Variants in MAPK14 observed in about 807,000 individuals in gnomAD.
MAPK14 encodes the protein mitogen-activated protein kinase 14, also known as CSAID-binding protein.
MAPK14 carries 16 observed loss-of-function variants against 49.6 expected under a neutral mutation model. The ratio of observed to expected loss-of-function variants is 0.32; its 90% CI spans 0.22 to 0.49. MAPK14 has a LOEUF of 0.49. MAPK14 is among the 20% of genes least tolerant of loss of function. MAPK14 has a pLI of 0.99. For missense variants in MAPK14, 200 were observed against 441.2 expected (o/e 0.45, Z 4.90); for synonymous variants, 142 against 158.0 (o/e 0.90, Z 0.76).
chr6:36,069,301 G>T (rs904760392), intron 3 of MAPK14, among the ~76,000 whole-genome samples: 1 of 152,100 alleles, frequency 6.6e-6, no homozygotes, highest in African/African-American at 2.4e-5. Context: ...ATTATTTTTA[G>T]AAGTTGGTGC....
chr6:36,048,121 A>G (rs1400195465), intron 1 of MAPK14, among the ~76,000 whole-genome samples: 2 of 152,020 alleles, frequency 1.3e-5, no homozygotes, highest in Non-Finnish European at 2.9e-5. Context: ...GGCTCAGTGC[A>G]ACCTCCACCT....
chr6:36,039,943 C>T (rs980347164), intron 1 of MAPK14, among the ~76,000 whole-genome samples: 5 of 151,216 alleles, frequency 3.3e-5, no homozygotes, highest in Admixed American at 6.6e-5. Context: ...TTGCAGTGAG[C>T]CGAGATCACT....
At chr6:36,062,883 C>T (rs1763881994) in intron 3 of MAPK14, among the ~76,000 whole-genome samples, 1 of 152,206 alleles carries the variant, frequency 6.6e-6, no homozygotes, top group East Asian at 1.9e-4. Context: ...GTCATGAACG[C>T]TTGACCTCAA....
chr6:36,060,991 G>T, intron 3 of MAPK14, among the ~76,000 whole-genome samples: 1 of 152,182 alleles, frequency 6.6e-6, no homozygotes, highest in East Asian at 1.9e-4. Flanking sequence ...CAACAATATG[G>T]AGGCTTCCAG....
chr6:36,122,883 C>T, the MAPK14 span, among the ~76,000 whole-genome samples: 1 of 152,276 alleles, frequency 6.6e-6, no homozygotes, highest in Non-Finnish European at 1.5e-5. Flanking sequence ...CCCTGTCTCC[C>T]AGAACTCAGC....
intron 6 of MAPK14, 39 bp downstream of exon 6, chr6:36,074,135 T>G: frequency 1.3e-6 from 2 of 1,546,768 alleles, no homozygotes; most frequent in South Asian, 2.3e-5. Flanking sequence ...TGCTTTACTT[T>G]GAGATTATAT....
chr6:36,100,141 A>G, intron 9 of MAPK14: 2 of 1,360,928 alleles, frequency 1.5e-6, no homozygotes, highest in South Asian at 2.3e-5. Context: ...GTTGAAAATT[A>G]TTTTTTGCAC....
chr6:36,098,669 A>G (rs1240063837), intron 9 of MAPK14, among the ~76,000 whole-genome samples: 1 of 152,248 alleles, frequency 6.6e-6, no homozygotes, highest in Non-Finnish European at 1.5e-5. Context: ...TGACTAAAGG[A>G]GACAAAGACA....
rs565009009 is a variant in MAPK14 at position 36,050,377 on chromosome 6, T to C, written c.117-2322T>C. 2.6e-5 allele frequency among the ~76,000 whole-genome samples: 4 copies of C among 152,302 alleles called. No individual in the cohort carries two copies. The South Asian group carries it at 8.3e-4, about 32-fold the overall frequency. Reference sequence around the variant, plus strand: ...AGGGTACAAGTAAACTAGAGGTAACTAGGTTTTTGATGAAAAGCAAATGCT... The same window carrying C: ...AGGGTACAAGTAAACTAGAGGTAACCAGGTTTTTGATGAAAAGCAAATGCT... On this transcript the variant is annotated intron_variant, in intron 1 of 11. Transcript: ENST00000229794.
intron 4 of MAPK14, 80 bp from the exon 5 acceptor site, chr6:36,073,611 C>G: frequency 9.0e-7 from 1 of 1,117,294 alleles, no homozygotes; most frequent in South Asian, 1.3e-5. Context: ...CTTACTGATT[C>G]ATGAAAATGT....
chr6:36,077,570 G>A (rs1040164445), intron 8 of MAPK14, among the ~76,000 whole-genome samples: 2 of 152,026 alleles, frequency 1.3e-5, no homozygotes, highest in Non-Finnish European at 2.9e-5. Context: ...ATATACTTCT[G>A]TAATGGCTAT....
chr6:36,053,395 C>T (rs1763475870), intron 2 of MAPK14, among the ~76,000 whole-genome samples: 1 of 151,662 alleles, frequency 6.6e-6, no homozygotes, highest in African/African-American at 2.4e-5. Flanking sequence ...ATGTCAGAGG[C>T]ATTGTTTAAG....
chr6:36,057,588 G>A (rs1307506727), intron 2 of MAPK14, among the ~76,000 whole-genome samples: 1 of 152,170 alleles, frequency 6.6e-6, no homozygotes, highest in Non-Finnish European at 1.5e-5. Context: ...GCGTGGTGGT[G>A]CATGCCTGTT....
At chr6:36,098,465 G>A (rs997205273) in intron 9 of MAPK14, among the ~76,000 whole-genome samples, 3 of 152,158 alleles carry the variant, frequency 2.0e-5, no homozygotes, top group Non-Finnish European at 2.9e-5. Flanking sequence ...TCGAGGCCAG[G>A]AGTTTGAGGC....
intron 3 of MAPK14, among the ~76,000 whole-genome samples, chr6:36,060,516 C>T (rs1025996600): frequency 2.6e-5 from 4 of 152,156 alleles, no homozygotes; most frequent in Admixed American, 6.5e-5. Context: ...ATTATGAAAG[C>T]CAAAACAGAA....
At position 36,072,819 on chromosome 6, in the gene MAPK14, TAAG is replaced by T. The variant is rs1764361029; in HGVS notation, c.306-51_306-49del. 5.8e-5 allele frequency: 57 copies of T among 988,312 alleles called. 1 individual carries two copies. The South Asian group carries it at 8.1e-4, about 14-fold the overall frequency. 61.2% of individuals were successfully genotyped at this position (988,312 alleles called of 1,614,324 possible). A position where few individuals can be genotyped will look rare whatever the true frequency, so the allele number is the denominator to read the frequency against. ...AAAACTTATAAAAGTCTTCTGAAGA[TAAG>T]AACTTTCTTAGGGGTTCTAGATTGT... is the stretch of plus-strand genomic sequence containing the variant. On this transcript the variant is annotated intron_variant, in intron 3 of 11. Transcript: ENST00000229794.
In MAPK14 at chr6:36,040,166, C is replaced by T. The variant is rs369835216; in HGVS notation, c.116+11893C>T. On this transcript the variant is annotated intron_variant, in intron 1 of 11. Coordinates refer to ENST00000229794, the MANE Select transcript of MAPK14 (RefSeq NM_139012.3). The stretch of plus-strand genomic sequence containing the variant: ...CCCAGGGTAATTCAACCTATTGACA[C>T]TTTAGGTGGGATAATGTTTTGTTGT... Among the ~76,000 whole-genome samples, 179 of 152,206 alleles carry T rather than the reference C, an allele frequency of 1.2e-3. 3 individuals carry two copies. In the South Asian group the frequency reaches 0.036, roughly 31 times the overall value.
Position 36,048,810 on chromosome 6 carries a change from G to A in MAPK14, c.117-3889G>A, listed in dbSNP as rs894588250. On this transcript the variant is annotated intron_variant, in intron 1 of 11. Transcript: ENST00000229794. Reference sequence around the variant, plus strand: ...GTGTCTTTCTTATGGAGACATCAGGGCTCAGAGAAGAGATTTCAGTGAGAG... The same window carrying A: ...GTGTCTTTCTTATGGAGACATCAGGACTCAGAGAAGAGATTTCAGTGAGAG... Among the ~76,000 whole-genome samples the A allele has an allele frequency of 2.0e-5, 3 of 152,184 alleles. No individual in the cohort carries two copies. In the South Asian group the frequency reaches 6.2e-4, roughly 32 times the overall value.
intron 1 of MAPK14, among the ~76,000 whole-genome samples, chr6:36,031,256 T>G (rs1762531441): frequency 6.6e-6 from 1 of 151,848 alleles, no homozygotes; most frequent in Non-Finnish European, 1.5e-5. Context: ...TCAAGTGATC[T>G]GCTCTCCTTG....
Sources: allele counts gnomAD v4.1 joint callset (sites outside exome capture counted in the v4.1 genomes callset), GRCh38; gene constraint gnomAD v4.1.1; transcripts MANE v1.5; gene names NCBI Gene and HGNC (gene_info 2026-07-23, HGNC 2026-07-21).